The following CCDC102B variants were observed in gnomAD, a reference collection of about 807,000 sequenced individuals.
CCDC102B encodes coiled-coil domain containing 102B.
CCDC102B carries 75 observed loss-of-function variants against 57.4 expected under a neutral mutation model. The ratio of observed to expected loss-of-function variants is 1.31; its 90% CI spans 1.08 to 1.58. CCDC102B has a LOEUF of 1.58. CCDC102B is among the 40% of genes most tolerant of loss of function. The pLI is 0.00. For synonymous variants in CCDC102B, 206 were observed against 201.9 expected, an observed-to-expected ratio of 1.02 and a Z score of -0.17; for missense variants, 636 against 582.6, an observed-to-expected ratio of 1.09 and a Z score of -0.94.
intron 6 of CCDC102B, among the ~76,000 whole-genome samples, chr18:68,920,167 C>T (rs2041224963): frequency 6.6e-6 from 1 of 152,064 alleles, no homozygotes; most frequent in Non-Finnish European, 1.5e-5. Context: ...TTCTATGTGT[C>T]CATGTGTTCT....
chr18:68,837,748 G>A (rs530345546), intron 2 of CCDC102B, among the ~76,000 whole-genome samples: 1 of 152,114 alleles, frequency 6.6e-6, no homozygotes, highest in Admixed American at 6.5e-5. Context: ...CTCCCTAAAG[G>A]CCCTGTCTCC....
intron 2 of CCDC102B, among the ~76,000 whole-genome samples, chr18:68,731,107 T>C (rs1423109746): frequency 3.3e-5 from 5 of 152,096 alleles, no homozygotes; most frequent in Non-Finnish European, 7.4e-5. Flanking sequence ...CTGTCTCAGC[T>C]TCCCAAGTAG....
chr18:68,976,120 A>G (rs980617576), intron 6 of CCDC102B, among the ~76,000 whole-genome samples: 1 of 151,970 alleles, frequency 6.6e-6, no homozygotes, highest in Non-Finnish European at 1.5e-5. Flanking sequence ...AAATATGTAA[A>G]ATATCTTGTG....
chr18:68,974,661 A>T (rs1019181400), intron 6 of CCDC102B, among the ~76,000 whole-genome samples: 2 of 152,020 alleles, frequency 1.3e-5, no homozygotes, highest in African/African-American at 4.8e-5. Context: ...GGTTATACAT[A>T]TAAATACTAA....
chr18:68,916,799 G>T (rs2041088448), intron 6 of CCDC102B, among the ~76,000 whole-genome samples: 2 of 152,338 alleles, frequency 1.3e-5, no homozygotes, highest in Non-Finnish European at 2.9e-5. Context: ...CCTGGGAAAT[G>T]ATGACTCAGA....
chr18:68,742,727 T>A (rs1482412439), intron 2 of CCDC102B, among the ~76,000 whole-genome samples: 1 of 152,222 alleles, frequency 6.6e-6, no homozygotes, highest in African/African-American at 2.4e-5. Flanking sequence ...TTGCCATTAC[T>A]AACCACTGGG....
intron 7 of CCDC102B, among the ~76,000 whole-genome samples, chr18:69,025,285 C>G (rs1419130257): frequency 6.6e-6 from 1 of 152,080 alleles, no homozygotes; most frequent in Non-Finnish European, 1.5e-5. Context: ...AATCTTAAAA[C>G]TAAAACAAAA....
At chr18:68,929,973 A>G (rs1034453044) in intron 6 of CCDC102B, among the ~76,000 whole-genome samples, 3 of 151,110 alleles carry the variant, frequency 2.0e-5, no homozygotes, top group African/African-American at 7.3e-5. Flanking sequence ...CTAAAAATAA[A>G]AAGAGTAATT....
At chr18:68,983,081 A>G (rs1194811677) in intron 6 of CCDC102B, among the ~76,000 whole-genome samples, 1 of 151,564 alleles carries the variant, frequency 6.6e-6, no homozygotes, top group Admixed American at 6.6e-5. Context: ...TTCAATTTCC[A>G]TTTTCAGAAG....
intron 6 of CCDC102B, among the ~76,000 whole-genome samples, chr18:68,947,945 T>C (rs1051888802): frequency 6.6e-6 from 1 of 152,124 alleles, no homozygotes; most frequent in South Asian, 2.1e-4. Flanking sequence ...TTTTTTCTTA[T>C]GTAAGGGAAG....
intron 1 of CCDC102B, among the ~76,000 whole-genome samples, chr18:68,811,802 C>T (rs2036276875): frequency 6.6e-6 from 1 of 152,076 alleles, no homozygotes; most frequent in African/African-American, 2.4e-5. Context: ...TCACGTGAAG[C>T]ACAGAGGACT....
intron 6 of CCDC102B, among the ~76,000 whole-genome samples, chr18:68,928,052 G>T (rs1468970860): frequency 6.6e-6 from 1 of 151,858 alleles, no homozygotes; most frequent in African/African-American, 2.4e-5. Flanking sequence ...TCTGTTAGAG[G>T]TGTGAACTTG....
chr18:68,861,695 T>C (rs1024673803), intron 4 of CCDC102B, among the ~76,000 whole-genome samples: 40 of 152,298 alleles, frequency 2.6e-4, no homozygotes, highest in Middle Eastern at 3.4e-3. Context: ...TTCTTTTAGA[T>C]GTTAGTTTTC....
intron 2 of CCDC102B, among the ~76,000 whole-genome samples, chr18:68,787,992 T>C (rs975244261): frequency 2.6e-3 from 390 of 151,282 alleles, no homozygotes; most frequent in African/African-American, 9.1e-3. Flanking sequence ...CTCTACACAC[T>C]GCTTTGAATG....
rs113056070 is a variant in CCDC102B at position 69,054,549 on chromosome 18, T to C, written c.*412T>C. ...GTTTGTTTAAATAATTGGTAAACTT[T>C]TATGTACGTGTTGTCTATGTGGTGG... On this transcript the variant is annotated 3_prime_UTR_variant, in exon 8 of 8. Coordinates refer to ENST00000360242, the MANE Select transcript of CCDC102B (RefSeq NM_024781.3). 724 of 990,170 alleles carry C rather than the reference T, an allele frequency of 7.3e-4. 4 individuals are homozygous for C. The African/African-American group carries it at 8.8e-3, about 12-fold the overall frequency. 61.3% of individuals were successfully genotyped at this position (990,170 alleles called of 1,614,324 possible). A position where few individuals can be genotyped will look rare whatever the true frequency, so the allele number is the denominator to read the frequency against.
chr18:68,722,869 T>A (rs1487543860), intron 2 of CCDC102B, among the ~76,000 whole-genome samples: 1 of 151,496 alleles, frequency 6.6e-6, no homozygotes, highest in African/African-American at 2.4e-5. Flanking sequence ...TTCCAAAATA[T>A]CTGCTTTTAT....
At chr18:68,847,797 C>G (rs2037941752) in intron 4 of CCDC102B, among the ~76,000 whole-genome samples, 1 of 151,590 alleles carries the variant, frequency 6.6e-6, no homozygotes, top group Admixed American at 6.6e-5. Context: ...CTTTTGAGTG[C>G]ATATTTCAGT....
chr18:68,741,707 ACACAC>A (rs2033397063), intron 2 of CCDC102B, among the ~76,000 whole-genome samples: 2 of 97,988 alleles, frequency 2.0e-5, no homozygotes, highest in African/African-American at 4.4e-5. Context: ...ACACACACAC[ACACAC>A]ACCCCAAGAC....
chr18:68,811,460 C>T (rs1449664135), intron 1 of CCDC102B, among the ~76,000 whole-genome samples: 1 of 152,016 alleles, frequency 6.6e-6, no homozygotes. Flanking sequence ...ACTAAGAATA[C>T]AAAAATTAGC....
Sources: gnomAD v4.1 joint callset for allele counts (sites outside exome capture counted in the v4.1 genomes callset) on GRCh38, gnomAD v4.1.1 for gene constraint, MANE v1.5 for transcripts, NCBI Gene and HGNC (gene_info 2026-07-23, HGNC 2026-07-21) for gene names.